Variants in WDR47 observed in about 807,000 individuals in gnomAD.
WDR47 encodes the protein WD repeat domain 47, also known as WD repeat-containing protein 47.
A neutral mutation model predicts 97.2 loss-of-function variants in WDR47; 32 were observed. That is an observed-to-expected ratio of 0.33 (90% CI 0.25 to 0.44). The LOEUF is 0.44. Among genes scored for constraint, WDR47 ranks in the 20% least tolerant of loss-of-function variants. The pLI, the probability that WDR47 is intolerant of heterozygous loss-of-function variation, is 1.00. For missense variants in WDR47, 782 were observed against 1,102.3 expected, an observed-to-expected ratio of 0.71 and a Z score of 4.11; for synonymous variants, 375 against 373.5, an observed-to-expected ratio of 1.00 and a Z score of -0.05.
At chr1:108,982,552 A>C in intron 12 of WDR47, 57 bp downstream of exon 12, 1 of 1,532,972 alleles carries the variant, frequency 6.5e-7, no homozygotes, top group Non-Finnish European at 8.7e-7. Flanking sequence ...GCAGAGAGGA[A>C]AAAAAAGCAC....
At chr1:109,016,068 A>G (rs1223716391) in intron 3 of WDR47, among the ~76,000 whole-genome samples, 1 of 151,800 alleles carries the variant, frequency 6.6e-6, no homozygotes, top group Non-Finnish European at 1.5e-5. Context: ...CCCAGTTCAC[A>G]CAGTGTGAGC....
At chr1:109,018,708 G>C (rs572572471) in intron 2 of WDR47, among the ~76,000 whole-genome samples, 21 of 151,284 alleles carry the variant, frequency 1.4e-4, no homozygotes, top group Middle Eastern at 7.0e-3. Context: ...CCAGCTACTC[G>C]GGAGGCTGAG....
chr1:109,027,242 G>C (rs967813820), intron 1 of WDR47, among the ~76,000 whole-genome samples: 4 of 151,928 alleles, frequency 2.6e-5, no homozygotes, highest in African/African-American at 9.7e-5. Context: ...TTTTAGTAGA[G>C]ACGGGGTTTC....
intron 1 of WDR47, among the ~76,000 whole-genome samples, chr1:109,035,026 C>T (rs145516716): frequency 2.4e-4 from 36 of 150,474 alleles, no homozygotes; most frequent in Admixed American, 8.7e-4. Context: ...AGGCTGAGAT[C>T]GGAGGATAGC....
chr1:109,006,907 A>AGCAT (rs1268641251), intron 5 of WDR47, among the ~76,000 whole-genome samples: 1 of 152,102 alleles, frequency 6.6e-6, no homozygotes, highest in African/African-American at 2.4e-5. Context: ...ATCATATTGT[A>AGCAT]GCATGGTGTT....
chr1:109,014,337 T>C (rs1305886289), intron 3 of WDR47, among the ~76,000 whole-genome samples: 2 of 152,084 alleles, frequency 1.3e-5, no homozygotes, highest in Non-Finnish European at 2.9e-5. Context: ...TTTTTAAATA[T>C]GAGAAAAGTC....
intron 7 of WDR47, among the ~76,000 whole-genome samples, chr1:108,999,482 T>C (rs1159751065): frequency 6.6e-6 from 1 of 151,790 alleles, no homozygotes; most frequent in African/African-American, 2.4e-5. Context: ...GGCAGGAGGA[T>C]TGCCTGAGCT....
At position 108,983,255 on chromosome 1, in the gene WDR47, G is replaced by C. The variant is rs1250597614; in HGVS notation, c.2095+27C>G. 10 of 1,573,302 alleles carry C rather than the reference G, an allele frequency of 6.4e-6. No homozygotes were observed. The East Asian group carries it at 1.8e-4, about 29-fold the overall frequency. On this transcript the variant is annotated intron_variant, in intron 11 of 14. Coordinates refer to ENST00000369962, the MANE Select transcript of WDR47 (RefSeq NM_001142551.2). ...ACATAACATATACACTGGTAAGCTA[G>C]CTACTGCTTACATACTTGGGCCCTA...
At position 108,974,731 on chromosome 1, in the gene WDR47, C is replaced by T; in HGVS notation, c.2422G>A (p.Val808Ile). 6.2e-7 allele frequency: 1 copy of T among 1,612,148 alleles called. No homozygotes were observed. The highest frequency in any genetic ancestry group is 2.2e-5 in the East Asian group (1 of 44,844). The change falls in exon 14 of 15, where the codon GTA (valine) becomes ATA (isoleucine). Residue 808 changes from valine to isoleucine, a missense_variant. Coordinates refer to ENST00000369962, the MANE Select transcript of WDR47 (RefSeq NM_001142551.2). ...GTGSAVASVA[V>I]DPSGRLLATG... is the part of the protein sequence containing the mutation. ...GCTAAGAGACGACCACTGGGATCTA[C>T]AGCTACAGATGCCACTGCACTGCCT...
At chr1:109,015,600 T>C (rs975550606) in intron 3 of WDR47, among the ~76,000 whole-genome samples, 1 of 150,942 alleles carries the variant, frequency 6.6e-6, no homozygotes, top group Non-Finnish European at 1.5e-5. Context: ...AGTGCTGGGA[T>C]TACAGGCGTG....
chr1:108,971,985 A>G (rs1157681288), intron 14 of WDR47, among the ~76,000 whole-genome samples: 3 of 152,168 alleles, frequency 2.0e-5, no homozygotes, highest in African/African-American at 7.2e-5. Context: ...TTATATATTT[A>G]CAATTCATAC....
rs931720158 is a variant in WDR47 at position 108,971,303 on chromosome 1, G to A, written c.*127C>T. On this transcript the variant is annotated 3_prime_UTR_variant, in exon 15 of 15. Transcript: ENST00000369962. ...AACACCTCCTATCAGTGGGATACAT[G>A]GTAATAAGGGGCCTCTTCGTGCTAA... 2.3e-6 allele frequency: 3 copies of A among 1,278,608 alleles called. No individual in the cohort carries two copies. The African/African-American group carries it at 4.5e-5, about 19-fold the overall frequency. 79.2% of individuals were successfully genotyped at this position (1,278,608 alleles called of 1,614,324 possible). A position where few individuals can be genotyped will look rare whatever the true frequency, so the allele number is the denominator to read the frequency against.
intron 14 of WDR47, among the ~76,000 whole-genome samples, chr1:108,972,723 C>T (rs496147): frequency 0.25 from 38,152 of 152,016 alleles, 5,086 homozygotes; most frequent in African/African-American, 0.34. Flanking sequence ...AGGCAGATCA[C>T]GAGGTCAGGA....
At chr1:108,993,429 T>A (rs1425867330) in intron 8 of WDR47, among the ~76,000 whole-genome samples, 1 of 152,156 alleles carries the variant, frequency 6.6e-6, no homozygotes, top group Non-Finnish European at 1.5e-5. Context: ...TACTGAGGAA[T>A]GATTTTCATC....
intron 1 of WDR47, among the ~76,000 whole-genome samples, chr1:109,038,966 G>A (rs748392974): frequency 2.6e-4 from 40 of 151,950 alleles, no homozygotes; most frequent in Non-Finnish European, 3.1e-4. Context: ...GCAACAGAGC[G>A]AGACCCCATC....
intron 1 of WDR47, among the ~76,000 whole-genome samples, chr1:109,034,543 CAGG>C (rs1444787644): frequency 3.9e-5 from 6 of 152,188 alleles, no homozygotes; most frequent in South Asian, 2.1e-4. Context: ...AGCTGCACAG[CAGG>C]AGGTGAGCTG....
chr1:109,011,440 C>T lies in WDR47; in HGVS notation c.606G>A (p.Leu202=). 1 of 1,614,166 alleles carries T rather than the reference C, an allele frequency of 6.2e-7. No homozygotes were observed. Among genetic ancestry groups the T allele is most frequent in the Non-Finnish European group, 8.5e-7 (1 of 1,180,030 alleles). The change falls in exon 5 of 15, where the codon CTG becomes CTA. Residue 202 remains leucine (L), a synonymous_variant. Transcript: ENST00000369962. ...AAAATTCTACACAGCATTCATAAAG[C>T]AGGCCTTTCATTACAAGCTGAAATA... ...NRLFQLVMKG[L]LYECCVEFCQ... is the part of the protein sequence containing the mutation.
intron 1 of WDR47, among the ~76,000 whole-genome samples, chr1:109,032,304 C>T (rs1236070687): frequency 7.5e-6 from 1 of 132,994 alleles, no homozygotes; most frequent in Non-Finnish European, 1.7e-5. Context: ...GAGGTCAGAT[C>T]GAGACCATCC....
At chr1:109,020,240 T>G (rs28458984) in intron 2 of WDR47, among the ~76,000 whole-genome samples, 142,834 of 147,634 alleles carry the variant, frequency 0.97, 69,091 homozygotes, top group East Asian at 1. Context: ...TAGTTGTTTT[T>G]TTTTTTTTTT....
Sources: gnomAD v4.1 joint callset for allele counts (sites outside exome capture counted in the v4.1 genomes callset) on GRCh38, gnomAD v4.1.1 for gene constraint, MANE v1.5 for transcripts, NCBI Gene and HGNC (gene_info 2026-07-23, HGNC 2026-07-21) for gene names.